Variants in RHOU observed in about 807,000 individuals in gnomAD.
RHOU encodes the protein rho-related GTP-binding protein RhoU.
Under a neutral mutation model 12.6 loss-of-function variants are expected in RHOU, and 8 were observed. The ratio of observed to expected loss-of-function variants is 0.64; its 90% CI spans 0.37 to 1.15. The LOEUF is 1.15. RHOU is among the 50% of genes most tolerant of loss of function. RHOU has a pLI of 0.01. For missense variants in RHOU, 258 were observed against 347.0 expected, an observed-to-expected ratio of 0.74 and a Z score of 2.04; for synonymous variants, 161 against 147.4, an observed-to-expected ratio of 1.09 and a Z score of -0.67.
the RHOU span, among the ~76,000 whole-genome samples, chr1:228,646,968 G>T: frequency 6.6e-6 from 1 of 152,132 alleles, no homozygotes; most frequent in African/African-American, 2.4e-5. Context: ...GAGAAAGGGA[G>T]AAGTACAGAG....
At chr1:228,674,979 T>C in the RHOU span, among the ~76,000 whole-genome samples, 3 of 152,154 alleles carry the variant, frequency 2.0e-5, no homozygotes, top group Non-Finnish European at 2.9e-5. Flanking sequence ...TCCGCCCGTC[T>C]TGGCCTCCCA....
chr1:228,647,055 G>A, the RHOU span, among the ~76,000 whole-genome samples: 2 of 152,170 alleles, frequency 1.3e-5, no homozygotes, highest in Admixed American at 1.3e-4. Context: ...GAGCTAGAGA[G>A]CGAGAACGTT....
the RHOU span, among the ~76,000 whole-genome samples, chr1:228,674,425 C>A: frequency 2.7e-4 from 41 of 150,536 alleles, no homozygotes; most frequent in African/African-American, 9.1e-4. Context: ...CGGCTCACTG[C>A]AACCTCTGCC....
chr1:228,687,947 C>T, the RHOU span: 4 of 682,660 alleles, frequency 5.9e-6, no homozygotes, highest in African/African-American at 5.3e-5. Context: ...CCCTCTGTCC[C>T]TTCCTTCCTT....
At chr1:228,647,892 AG>A in the RHOU span, 1 of 152,242 alleles carries the variant, frequency 6.6e-6, no homozygotes, top group Non-Finnish European at 1.5e-5. Context: ...GTAAAGAGGG[AG>A]GAACTTGAAG....
At chr1:228,686,693 A>G in the RHOU span, among the ~76,000 whole-genome samples, 110 of 152,320 alleles carry the variant, frequency 7.2e-4, 3 homozygotes, top group East Asian at 0.019. Flanking sequence ...AGCTCTTAAA[A>G]TGTTAAATTC....
the RHOU span, among the ~76,000 whole-genome samples, chr1:228,728,956 C>T: frequency 2.0e-5 from 3 of 151,038 alleles, no homozygotes; most frequent in Non-Finnish European, 2.9e-5. Context: ...AGTGCAGTGG[C>T]ACGATCTTGC....
chr1:228,687,793 A>G, the RHOU span: 2 of 1,342,734 alleles, frequency 1.5e-6, no homozygotes, highest in Non-Finnish European at 2.1e-6. Flanking sequence ...CTCTTAGACA[A>G]GCACACCCTG....
Position 228,746,539 on chromosome 1 carries a change from A to G in RHOU, c.*2799A>G, listed in dbSNP as rs1571893827. 1.3e-5 allele frequency: 2 copies of G among 152,242 alleles called. No homozygotes were observed. The highest frequency in any genetic ancestry group is 4.8e-5 in the African/African-American group (2 of 41,462). 9.4% of individuals were successfully genotyped at this position (152,242 alleles called of 1,614,324 possible). ...AATGGGAGCAAGGCCTTCTCTCCAG[A>G]CTATCGTAACCTGGTGCCTTACCAA... On this transcript the variant is annotated 3_prime_UTR_variant, in exon 3 of 3. Coordinates refer to ENST00000366691, the MANE Select transcript of RHOU (RefSeq NM_021205.6).
chr1:228,721,522 T>C, the RHOU span, among the ~76,000 whole-genome samples: 1 of 152,190 alleles, frequency 6.6e-6, no homozygotes, highest in Non-Finnish European at 1.5e-5. Flanking sequence ...ACGTGCGCCT[T>C]ATCAGGCAAA....
the RHOU span, among the ~76,000 whole-genome samples, chr1:228,713,371 C>G: frequency 8.9e-4 from 135 of 152,324 alleles, 1 homozygote; most frequent in Middle Eastern, 0.01. Context: ...TTGTGGATAG[C>G]TGAATATGTG....
the RHOU span, among the ~76,000 whole-genome samples, chr1:228,707,208 T>C: frequency 4.8e-4 from 48 of 99,282 alleles, no homozygotes; most frequent in African/African-American, 1.6e-3. Flanking sequence ...TATATATACA[T>C]ATATATATAC....
At chr1:228,659,978 AAAAC>A in the RHOU span, among the ~76,000 whole-genome samples, 1 of 151,348 alleles carries the variant, frequency 6.6e-6, no homozygotes, top group Non-Finnish European at 1.5e-5. Flanking sequence ...AAAAAAAAAA[AAAAC>A]AAGAAAGAAA....
At chr1:228,709,187 T>C in the RHOU span, among the ~76,000 whole-genome samples, 1 of 151,972 alleles carries the variant, frequency 6.6e-6, no homozygotes, top group African/African-American at 2.4e-5. Context: ...TAAGGAGACT[T>C]AGACTCCCAC....
the RHOU span, among the ~76,000 whole-genome samples, chr1:228,711,878 C>A: frequency 6.9e-6 from 1 of 144,876 alleles, no homozygotes; most frequent in African/African-American, 2.6e-5. Context: ...AGGCAACCTA[C>A]AAAATGGGAG....
At chr1:228,673,350 G>A in the RHOU span, among the ~76,000 whole-genome samples, 1 of 152,154 alleles carries the variant, frequency 6.6e-6, no homozygotes, top group Non-Finnish European at 1.5e-5. Flanking sequence ...ATTCATTCAT[G>A]TTTTTGCAGT....
chr1:228,729,714 AG>A, the RHOU span, among the ~76,000 whole-genome samples: 2 of 152,254 alleles, frequency 1.3e-5, no homozygotes, highest in African/African-American at 2.4e-5. Context: ...ATTGCAGCAT[AG>A]TACAGCCTAA....
At chr1:228,714,247 A>T in the RHOU span, among the ~76,000 whole-genome samples, 1 of 150,650 alleles carries the variant, frequency 6.6e-6, no homozygotes, top group African/African-American at 2.4e-5. Flanking sequence ...AGTTTATTTT[A>T]AAATTTTGCA....
chr1:228,658,452 T>A, the RHOU span, among the ~76,000 whole-genome samples: 19 of 152,320 alleles, frequency 1.2e-4, no homozygotes, highest in East Asian at 3.5e-3. Flanking sequence ...TCCTCCGCTC[T>A]GAAAGATGCA....
Sources: allele counts gnomAD v4.1 joint callset (sites outside exome capture counted in the v4.1 genomes callset), GRCh38; gene constraint gnomAD v4.1.1; transcripts MANE v1.5; gene names NCBI Gene and HGNC (gene_info 2026-07-23, HGNC 2026-07-21).